Variants in NEBL observed in about 807,000 individuals in gnomAD.
The protein encoded by NEBL is LIM and SH3 protein 2.
A neutral mutation model predicts 140.2 loss-of-function variants in NEBL; 122 were observed. The observed-to-expected ratio is 0.87, with a 90% CI of 0.75 to 1.01. NEBL has a LOEUF of 1.01. NEBL is among the 50% of genes least tolerant of loss of function. NEBL has a pLI of 0.00. For synonymous variants in NEBL, 436 were observed against 398.9 expected (o/e 1.09, Z -1.11); for missense variants, 1,365 against 1,231.3 (o/e 1.11, Z -1.62).
At chr10:21,040,428 C>T (rs1834220265) in intron 2 of NEBL, among the ~76,000 whole-genome samples, 1 of 152,166 alleles carries the variant, frequency 6.6e-6, no homozygotes, top group Non-Finnish European at 1.5e-5. Context: ...CTGGTGAGGC[C>T]TCAGTAAGCT....
chr10:21,029,856 AC>A, intron 2 of NEBL: 1 of 680,592 alleles, frequency 1.5e-6, no homozygotes. Flanking sequence ...GGCAGTGGGT[AC>A]CCAGGGACAA....
intron 1 of NEBL, among the ~76,000 whole-genome samples, chr10:21,289,254 C>G (rs1564556826): frequency 6.6e-6 from 1 of 152,038 alleles, no homozygotes; most frequent in Non-Finnish European, 1.5e-5. Flanking sequence ...GAGGGCCTTA[C>G]AGCTGCAGGG....
Position 20,999,771 on chromosome 10 carries a change from G to A in NEBL, c.249+20346C>T, listed in dbSNP as rs138345278. Reference sequence around the variant, plus strand: ...TCTTACAACCCCCGCTTTAACTGCCGTGGAGGCTGTGAAGCCTGTCGTATT... The same window carrying A: ...TCTTACAACCCCCGCTTTAACTGCCATGGAGGCTGTGAAGCCTGTCGTATT... On this transcript the variant is annotated intron_variant, in intron 3 of 6. Coordinates refer to the NEBL transcript ENST00000417816. Among the ~76,000 whole-genome samples the A allele has an allele frequency of 3.5e-3, 532 of 152,242 alleles. 9 individuals carry two copies. Among genetic ancestry groups the A allele is most frequent in the African/African-American group, 0.012 (518 of 41,542 alleles).
intron 2 of NEBL, among the ~76,000 whole-genome samples, chr10:21,067,979 GA>G (rs35412364): frequency 0.43 from 64,718 of 150,700 alleles, 17,109 homozygotes; most frequent in Non-Finnish European, 0.59. Context: ...CCGTCTCAAA[GA>G]AAAAAAAATG....
At chr10:21,276,151 T>C (rs994955552) in intron 1 of NEBL, among the ~76,000 whole-genome samples, 4 of 151,844 alleles carry the variant, frequency 2.6e-5, no homozygotes, top group African/African-American at 9.7e-5. Flanking sequence ...TTTGTATTTT[T>C]AGTGGAGACA....
At chr10:20,887,526 C>G (rs1399134130) in intron 4 of NEBL, among the ~76,000 whole-genome samples, 2 of 150,650 alleles carry the variant, frequency 1.3e-5, no homozygotes, top group Non-Finnish European at 2.9e-5. Flanking sequence ...TCAAGCAATC[C>G]TCCCACCTCA....
intron 1 of NEBL, among the ~76,000 whole-genome samples, chr10:21,286,862 C>T (rs895400619): frequency 1.3e-5 from 2 of 151,330 alleles, no homozygotes; most frequent in African/African-American, 4.9e-5. Context: ...AAGCAGACTA[C>T]AGCTATAAAT....
intron 3 of NEBL, among the ~76,000 whole-genome samples, chr10:21,234,566 G>C (rs565639777): frequency 6.6e-6 from 1 of 152,092 alleles, no homozygotes; most frequent in Non-Finnish European, 1.5e-5. Flanking sequence ...CCAGTCTCAG[G>C]TGTTCCTTTA....
intron 26 of NEBL, among the ~76,000 whole-genome samples, chr10:20,796,381 A>AC (rs1836537658): frequency 1.3e-5 from 2 of 150,950 alleles, no homozygotes; most frequent in Non-Finnish European, 3.0e-5. Context: ...AAAAAAAAAA[A>AC]AAAAAAAAAA....
chr10:21,225,318 T>C (rs1401146381), intron 3 of NEBL, among the ~76,000 whole-genome samples: 3 of 152,134 alleles, frequency 2.0e-5, no homozygotes, highest in African/African-American at 7.2e-5. Flanking sequence ...TGACTGGGAC[T>C]TCCCTAGGTC....
At chr10:21,278,848 C>A (rs79692048) in intron 1 of NEBL, among the ~76,000 whole-genome samples, 1 of 152,050 alleles carries the variant, frequency 6.6e-6, no homozygotes, top group Non-Finnish European at 1.5e-5. Flanking sequence ...CCTCCTCACT[C>A]CCCGCAAGGC....
At chr10:21,156,003 C>T (rs979791795) in intron 2 of NEBL, among the ~76,000 whole-genome samples, 3 of 152,212 alleles carry the variant, frequency 2.0e-5, no homozygotes, top group Non-Finnish European at 2.9e-5. Context: ...CAGTCTCCAG[C>T]AGGGCCCAGA....
chr10:21,278,631 T>A (rs888938957), intron 1 of NEBL, among the ~76,000 whole-genome samples: 5 of 152,078 alleles, frequency 3.3e-5, no homozygotes, highest in Non-Finnish European at 7.3e-5. Flanking sequence ...GTATTAGGGG[T>A]CTATCGGAGC....
At chr10:20,857,237 A>G (rs1226979035) in intron 9 of NEBL, among the ~76,000 whole-genome samples, 1 of 152,236 alleles carries the variant, frequency 6.6e-6, no homozygotes, top group Non-Finnish European at 1.5e-5. Flanking sequence ...AATAATAAAC[A>G]TACATTTCAA....
Position 20,787,254 on chromosome 10 carries a change from A to G in NEBL, c.2816T>C (p.Met939Thr). 1 of 1,613,646 alleles carries G rather than the reference A, an allele frequency of 6.2e-7. No homozygotes were observed. The highest frequency in any genetic ancestry group is 1.7e-5 in the Admixed American group (1 of 59,972). Reference protein sequence around the residue: ...QQSHSQGYGYMHQTSVSSMRS... With the variant: ...QQSHSQGYGYTHQTSVSSMRS... ...CATGGATGACACACTGGTCTGGTGC[A>G]TGTAGCCATAGCCTTGGGAATGGCT... The change falls in exon 27 of 28, where the codon ATG becomes ACG. Residue 939 changes from methionine (M) to threonine (T), a missense_variant. Around this residue, in one of 2 missense-constraint regions of NEBL, gnomAD observed 1,323 missense variants for 1,154.8 expected, o/e 1.15. Transcript: ENST00000377122.
intron 3 of NEBL, among the ~76,000 whole-genome samples, chr10:21,226,108 C>G (rs976733999): frequency 5.3e-5 from 8 of 151,912 alleles, no homozygotes; most frequent in African/African-American, 1.5e-4. Flanking sequence ...AGTTGATTAT[C>G]CTGACAGGAC....
rs75717235 is a variant in NEBL at position 21,043,369 on chromosome 10, T to C, written c.165-23168A>G. Among the ~76,000 whole-genome samples the C allele has an allele frequency of 5.4e-3, 821 of 152,340 alleles. 9 individuals carry two copies. The highest frequency in any genetic ancestry group is 0.048 in the East Asian group (250 of 5,178). ...GTCAGAATTTTGAAAGCCTGCAATC[T>C]TACAAAAATCCAAGATCTTCGAGTG... On this transcript the variant is annotated intron_variant, in intron 2 of 6. Transcript: ENST00000417816.
intron 19 of NEBL, among the ~76,000 whole-genome samples, chr10:20,820,479 A>C (rs1443872707): frequency 6.6e-6 from 1 of 152,244 alleles, no homozygotes; most frequent in Non-Finnish European, 1.5e-5. Context: ...AGCTCAGGTT[A>C]GGGAATTTTC....
intron 4 of NEBL, among the ~76,000 whole-genome samples, chr10:20,917,075 C>A (rs1198806391): frequency 6.6e-6 from 1 of 152,120 alleles, no homozygotes; most frequent in Non-Finnish European, 1.5e-5. Flanking sequence ...TAAATTATAA[C>A]CCTCCTGATT....
Sources: gnomAD v4.1 joint callset for allele counts (sites outside exome capture counted in the v4.1 genomes callset) on GRCh38, gnomAD v4.1.1 for gene constraint, gnomAD v4.1.1 regional missense constraint, MANE v1.5 for transcripts, NCBI Gene and HGNC (gene_info 2026-07-23, HGNC 2026-07-21) for gene names.